ACYP2: variants seen among roughly 807,000 people sequenced by gnomAD.
ACYP2 encodes the protein acylphosphatase 2.
A neutral mutation model predicts 11.2 loss-of-function variants in ACYP2; 12 were observed. The observed-to-expected ratio is 1.08, with a 90% CI of 0.69 to 1.74. The LOEUF (loss-of-function observed/expected upper bound fraction) is 1.74, where lower values mean the gene tolerates loss of function less well. Among genes scored for constraint, ACYP2 ranks in the 40% most tolerant of loss-of-function variants. The pLI, the probability that ACYP2 is intolerant of heterozygous loss-of-function variation, is 0.00. For synonymous variants in ACYP2, 43 were observed against 32.2 expected (o/e 1.33, Z -1.13); for missense variants, 134 against 101.9 (o/e 1.31, Z -1.35).
chr2:54,027,837 C>CT (rs34122179), intron 2 of ACYP2, among the ~76,000 whole-genome samples: 11,405 of 97,894 alleles, frequency 0.12, 889 homozygotes, highest in Middle Eastern at 0.24. Flanking sequence ...TTCTTTCTTT[C>CT]TTTTTTTTTT....
intron 6 of ACYP2, among the ~76,000 whole-genome samples, chr2:54,299,213 A>G (rs895789350): frequency 2.0e-5 from 3 of 152,196 alleles, no homozygotes; most frequent in Non-Finnish European, 2.9e-5. Context: ...AATAGGGTGT[A>G]TCTTCCCTGG....
At chr2:54,096,048 G>C (rs1291391946) in intron 4 of ACYP2, among the ~76,000 whole-genome samples, 1 of 120,576 alleles carries the variant, frequency 8.3e-6, no homozygotes, top group Non-Finnish European at 1.7e-5. Context: ...TGGCCGGGCG[G>C]GGGGCTGACC....
intron 6 of ACYP2, among the ~76,000 whole-genome samples, chr2:54,180,069 C>T (rs1468038101): frequency 1.3e-5 from 2 of 152,042 alleles, no homozygotes; most frequent in African/African-American, 4.8e-5. Flanking sequence ...TAGGGTAGCT[C>T]ATAGAACTTG....
intron 4 of ACYP2, among the ~76,000 whole-genome samples, chr2:54,104,242 T>C (rs1324538676): frequency 5.3e-5 from 8 of 152,210 alleles, no homozygotes; most frequent in Non-Finnish European, 1.2e-4. Flanking sequence ...TGATGATCAG[T>C]AGTCTTGGAG....
chr2:54,198,509 C>T (rs1684613382), intron 6 of ACYP2, among the ~76,000 whole-genome samples: 1 of 151,456 alleles, frequency 6.6e-6, no homozygotes, highest in South Asian at 2.1e-4. Flanking sequence ...GAAGAGAGTA[C>T]TATTAAAGGT....
rs956788347 is a variant in ACYP2 at position 53,989,544 on chromosome 2, C to T, written c.62+15734C>T. On this transcript the variant is annotated intron_variant, in intron 2 of 6. Transcript: ENST00000607452. ...CTTTTGGCTGCCCAGCATCTGAACC[C>T]ACTTGCTAGATTCGGGACATCTCCC... 2.0e-5 allele frequency among the ~76,000 whole-genome samples: 3 copies of T among 151,962 alleles called. No homozygotes were observed. The East Asian group carries it at 5.8e-4, about 29-fold the overall frequency.
chr2:54,218,229 T>C (rs17045658), intron 6 of ACYP2, among the ~76,000 whole-genome samples: 36,609 of 152,140 alleles, frequency 0.24, 4,620 homozygotes, highest in East Asian at 0.4. Flanking sequence ...GCACATTGTC[T>C]TCTTCCTATT....
intron 2 of ACYP2, among the ~76,000 whole-genome samples, chr2:53,981,511 A>T (rs6545375): frequency 0.66 from 100,504 of 151,990 alleles, 34,157 homozygotes; most frequent in African/African-American, 0.83. Context: ...TAAACTCCTA[A>T]GCAAAAGAAG....
intron 6 of ACYP2, among the ~76,000 whole-genome samples, 199 bp downstream of exon 3, chr2:54,138,947 G>A (rs1169696388): frequency 6.6e-6 from 1 of 152,188 alleles, no homozygotes; most frequent in Admixed American, 6.5e-5. Context: ...GAGCCACCGT[G>A]CCTGGCCTTA....
At chr2:54,048,112 T>A (rs1675621526) in intron 2 of ACYP2, among the ~76,000 whole-genome samples, 1 of 152,150 alleles carries the variant, frequency 6.6e-6, no homozygotes, top group Non-Finnish European at 1.5e-5. Flanking sequence ...TTCCTAATTT[T>A]ATATATATTT....
intron 6 of ACYP2, among the ~76,000 whole-genome samples, chr2:54,202,003 T>G (rs1684857096): frequency 6.6e-6 from 1 of 151,770 alleles, no homozygotes; most frequent in South Asian, 2.1e-4. Flanking sequence ...CCACTGTGCC[T>G]GGCCCACTTA....
intron 6 of ACYP2, among the ~76,000 whole-genome samples, chr2:54,224,173 C>G (rs1340648507): frequency 6.6e-6 from 1 of 152,136 alleles, no homozygotes; most frequent in Non-Finnish European, 1.5e-5. Context: ...TTTCCAAGTC[C>G]CCAGCCAGCA....
Position 54,002,123 on chromosome 2 carries a change from A to C in ACYP2, c.62+28313A>C, listed in dbSNP as rs535107402. ...CCACTATTATAATATCATACAGAATAATTTCAATGTTCTAAATATCCTCCA... is the reference window on the plus strand; with the variant it reads ...CCACTATTATAATATCATACAGAATCATTTCAATGTTCTAAATATCCTCCA... On this transcript the variant is annotated intron_variant, in intron 2 of 6. Coordinates refer to ENST00000607452, the MANE Select transcript of ACYP2 (RefSeq NM_001320586.2). Among the ~76,000 whole-genome samples the C allele has an allele frequency of 1.2e-4, 18 of 152,292 alleles. No individual in the cohort carries two copies. In the South Asian group the frequency reaches 3.3e-3, roughly 28 times the overall value.
At chr2:54,245,924 T>C (rs1686929551) in intron 6 of ACYP2, among the ~76,000 whole-genome samples, 1 of 152,172 alleles carries the variant, frequency 6.6e-6, no homozygotes, top group Non-Finnish European at 1.5e-5. Context: ...TCATAAAATC[T>C]TGCCCCAGAC....
chr2:54,246,488 G>T (rs908986589), intron 6 of ACYP2, among the ~76,000 whole-genome samples: 1 of 151,834 alleles, frequency 6.6e-6, no homozygotes, highest in African/African-American at 2.4e-5. Flanking sequence ...ATCTTTTTCT[G>T]TTGCTATTGT....
intron 4 of ACYP2, among the ~76,000 whole-genome samples, chr2:54,108,629 T>A (rs1006613077): frequency 4.6e-5 from 7 of 151,950 alleles, no homozygotes; most frequent in Non-Finnish European, 4.4e-5. Flanking sequence ...CTGGCCCTTT[T>A]TCCCCCGAGT....
At chr2:54,089,860 G>C (rs114854130) in intron 4 of ACYP2, among the ~76,000 whole-genome samples, 1 of 151,752 alleles carries the variant, frequency 6.6e-6, no homozygotes, top group African/African-American at 2.4e-5. Flanking sequence ...TAAAAAGTTT[G>C]CTCAGCCGGA....
chr2:54,280,503 A>T (rs983795877), intron 6 of ACYP2, among the ~76,000 whole-genome samples: 8 of 152,222 alleles, frequency 5.3e-5, no homozygotes, highest in African/African-American at 1.7e-4. Context: ...ATCAAGATTA[A>T]GAGAACACAA....
intron 6 of ACYP2, among the ~76,000 whole-genome samples, chr2:54,161,071 C>T (rs1424916259): frequency 6.6e-6 from 1 of 152,092 alleles, no homozygotes; most frequent in Non-Finnish European, 1.5e-5. Context: ...CTACTGAATC[C>T]GGAGCCCAGG....
Sources: gnomAD v4.1 joint callset for allele counts (sites outside exome capture counted in the v4.1 genomes callset) on GRCh38, gnomAD v4.1.1 for gene constraint, MANE v1.5 for transcripts, NCBI Gene and HGNC (gene_info 2026-07-23, HGNC 2026-07-21) for gene names.